Variants in FES observed in about 807,000 individuals in gnomAD.
FES encodes the protein FES proto-oncogene, tyrosine kinase, also known as tyrosine-protein kinase Fes/Fps.
A neutral mutation model predicts 109.6 loss-of-function variants in FES; 83 were observed. The observed-to-expected ratio is 0.76, with a 90% CI of 0.63 to 0.91. FES has a LOEUF of 0.91. Among genes scored for constraint, FES ranks in the 40% least tolerant of loss-of-function variants. The pLI is 0.00. For synonymous variants in FES, 458 were observed against 442.1 expected (o/e 1.04, Z -0.45); for missense variants, 943 against 1,070.9 (o/e 0.88, Z 1.67).
Position 90,890,183 on chromosome 15 carries a change from C to G in FES, c.1141C>G (p.Gln381Glu). Residue 381 changes from glutamine (Q) to glutamate (E), a missense_variant, in exon 9 of 19, where the codon CAG (glutamine) becomes GAG (glutamate). Coordinates refer to ENST00000328850, the MANE Select transcript of FES (RefSeq NM_002005.4). Reference protein sequence around the residue: ...LCSQAKLQAQQELLQTKLEHL... With the variant: ...LCSQAKLQAQEELLQTKLEHL... The stretch of plus-strand genomic sequence containing the variant: ...CAGCCAGGCCAAGCTGCAGGCCCAG[C>G]AGGAGTTGCTGCAGACCAAGCTGGA... 1 of 1,601,850 alleles carries G rather than the reference C, an allele frequency of 6.2e-7. No homozygotes were observed.
Position 90,892,745 on chromosome 15 carries a change from C to A in FES, c.1746C>A (p.Ala582=), listed in dbSNP as rs750146495. 6.2e-7 allele frequency: 1 copy of A among 1,613,146 alleles called. No individual in the cohort carries two copies. The highest frequency in any genetic ancestry group is 8.5e-7 in the Non-Finnish European group (1 of 1,179,820). Residue 582 remains alanine (A), a synonymous_variant, in exon 14 of 19, where the codon GCC becomes GCA. Transcript: ENST00000328850. Reference sequence around the variant, plus strand: ...AAGTGTTCAGCGGACGCCTGCGAGCCGACAACACCCTGGTGGCGGTGAAGT... The same window carrying A: ...AAGTGTTCAGCGGACGCCTGCGAGCAGACAACACCCTGGTGGCGGTGAAGT... ...FGEVFSGRLR[A]DNTLVAVKSC...
At chr15:90,890,024 G>A in intron 8 of FES, 62 bp downstream of exon 8, 1 of 1,587,984 alleles carries the variant, frequency 6.3e-7, no homozygotes, top group Non-Finnish European at 8.6e-7. Context: ...TACCCTAACT[G>A]CTGCTGGCTA....
chr15:90,889,965 G>T lies in FES; in HGVS notation c.1049+3G>T, dbSNP rs2033042865. 3 of 1,612,736 alleles carry T rather than the reference G, an allele frequency of 1.9e-6. No homozygotes were observed. Among genetic ancestry groups the T allele is most frequent in the Admixed American group, 1.7e-5 (1 of 59,982 alleles). ...GAGAACACCCACCCCCGGGAGCGGT[G>T]AGTGGGCCCCTGCCTGCAGCAGCCT... is the stretch of plus-strand genomic sequence containing the variant. On this transcript the variant is annotated splice_donor_region_variant and intron_variant, in intron 8 of 18. Transcript: ENST00000328850. This position sits in a 1 kb window ranked among gnomAD's most constrained non-coding sequence, Gnocchi z 6.1.
intron 12 of FES, 123 bp downstream of exon 12, chr15:90,891,799 A>T: frequency 7.1e-7 from 1 of 1,418,014 alleles, no homozygotes; most frequent in Non-Finnish European, 9.6e-7. Flanking sequence ...CAAGATGCAG[A>T]GTGAGTGACC....
In FES at chr15:90,892,828, G is replaced by A. The variant is rs781251285; in HGVS notation, c.1826+3G>A. The A allele has an allele frequency of 6.2e-7, 1 of 1,612,794 alleles. No individual in the cohort carries two copies. The highest frequency in any genetic ancestry group is 8.5e-7 in the Non-Finnish European group (1 of 1,179,262). On this transcript the variant is annotated splice_donor_region_variant and intron_variant, in intron 14 of 18. Coordinates refer to ENST00000328850, the MANE Select transcript of FES (RefSeq NM_002005.4). The stretch of plus-strand genomic sequence containing the variant: ...GCCAAGTTTCTACAGGAAGCGAGGT[G>A]GGTGATAAACTAATGATCACCACGG...
At chr15:90,893,881 C>T in intron 17 of FES, 55 bp from the exon 18 acceptor site, 1 of 1,610,490 alleles carries the variant, frequency 6.2e-7, no homozygotes, top group Non-Finnish European at 8.5e-7. Context: ...GCTGCCTCGC[C>T]CTGGCCCCAG....
intron 1 of FES, 79 bp from the exon 2 acceptor site, chr15:90,884,958 A>G (rs76642265): frequency 0.1 from 122,803 of 1,201,246 alleles, 7,036 homozygotes; most frequent in Non-Finnish European, 0.11. Context: ...CTGACCCTAC[A>G]GTCCCCAGTC....
At chr15:90,886,245 G>A (rs1053559708) in intron 3 of FES, among the ~76,000 whole-genome samples, 1 of 152,224 alleles carries the variant, frequency 6.6e-6, no homozygotes, top group African/African-American at 2.4e-5. Context: ...TGATTCAAGG[G>A]TGGGCCCATT....
intron 11 of FES, 149 bp downstream of exon 11, chr15:90,891,340 C>T: frequency 9.8e-6 from 11 of 1,117,554 alleles, no homozygotes; most frequent in Non-Finnish European, 1.4e-5. Context: ...ACAGAGACCA[C>T]CCTGTCCCTG....
intron 5 of FES, among the ~76,000 whole-genome samples, chr15:90,887,642 C>T (rs2032785200): frequency 6.6e-6 from 1 of 152,186 alleles, no homozygotes; most frequent in South Asian, 2.1e-4. Context: ...ACAAAAACAT[C>T]TGTCCTCAGG....
In FES at chr15:90,890,969, CT is replaced by C; in HGVS notation, c.1321-12del. The C allele has an allele frequency of 6.4e-7, 1 of 1,569,264 alleles. No individual in the cohort carries two copies. Among genetic ancestry groups the C allele is most frequent in the Admixed American group, 1.8e-5 (1 of 55,144 alleles). On this transcript the variant is annotated splice_polypyrimidine_tract_variant and intron_variant, in intron 10 of 18. Transcript: ENST00000328850. ...GTGGTTAAGTGACTCCTCCTCGATCCTCCCTTGCCCAGCTCCCTCCACCGCT... is the reference window on the plus strand; with the variant it reads ...GTGGTTAAGTGACTCCTCCTCGATCCCCCTTGCCCAGCTCCCTCCACCGCT...
At position 90,889,642 on chromosome 15, in the gene FES, T is replaced by C. The variant is rs761679897; in HGVS notation, c.926+6T>C. On this transcript the variant is annotated splice_donor_region_variant and intron_variant, in intron 7 of 18. Coordinates refer to ENST00000328850, the MANE Select transcript of FES (RefSeq NM_002005.4). The surrounding 1 kb of genome is among the most constrained non-coding windows in gnomAD (Gnocchi z 6.1). ...GTGGAGAGCGTGCAGCACACGTGGG[T>C]GGTGGCTTTGCACCTGGGCTGCGGC... is the stretch of plus-strand genomic sequence containing the variant. 1.2e-5 allele frequency: 19 copies of C among 1,612,636 alleles called. No homozygotes were observed. Among genetic ancestry groups the C allele is most frequent in the Non-Finnish European group, 1.6e-5 (19 of 1,179,962 alleles).
In FES at chr15:90,890,989, C is replaced by T; in HGVS notation, c.1328C>T (p.Pro443Leu). 1.9e-6 allele frequency: 3 copies of T among 1,584,496 alleles called. No individual in the cohort carries two copies. The highest frequency in any genetic ancestry group is 1.8e-5 in the Admixed American group (1 of 56,684). ...GIFRPKFSLP[P>L]PLQLIPEVQK... ...CGATCCTCCCTTGCCCAGCTCCCTC[C>T]ACCGCTGCAGCTCATTCCGGAGGTG... The change falls in exon 11 of 19, where the codon CCA becomes CTA. Residue 443 changes from proline (P) to leucine (L), a missense_variant. Physicochemically the swap from Pro to Leu is moderately conservative, Grantham distance 98. Transcript: ENST00000328850.
In FES at chr15:90,890,864, C is replaced by T. The variant is rs554175551; in HGVS notation, c.1321-118C>T. On this transcript the variant is annotated intron_variant, in intron 10 of 18. Transcript: ENST00000328850. The stretch of plus-strand genomic sequence containing the variant: ...AGGGGCCTGTGGATGGCTCTGCATG[C>T]CACTCCATGGTTGTAAGGGCTGAGG... The T allele has an allele frequency of 5.0e-4, 513 of 1,033,890 alleles. 4 individuals carry two copies. In the East Asian group the frequency reaches 0.011, roughly 23 times the overall value. 64.0% of individuals were successfully genotyped at this position (1,033,890 alleles called of 1,614,324 possible).
At position 90,885,301 on chromosome 15, in the gene FES, C is replaced by T. The variant is rs780526955; in HGVS notation, c.213+43C>T. 21 of 1,602,230 alleles carry T rather than the reference C, an allele frequency of 1.3e-5. No individual in the cohort carries two copies. The African/African-American group carries it at 2.7e-4, about 20-fold the overall frequency. ...TCTGGTGGGTGCTGGCTGTATCTGC[C>T]TTCTCCTTCCTCTCCTGGGGGCCCT... On this transcript the variant is annotated intron_variant, in intron 2 of 18. Transcript: ENST00000328850.
intron 13 of FES, 136 bp downstream of exon 13, chr15:90,892,247 CA>C: frequency 1.1e-6 from 1 of 883,634 alleles, no homozygotes; most frequent in Non-Finnish European, 1.8e-6. Flanking sequence ...GCCCAGCCCC[CA>C]CCACACACCA....
At chr15:90,885,378 C>G in intron 2 of FES, 34 bp from the exon 3 acceptor site, 3 of 1,598,608 alleles carry the variant, frequency 1.9e-6, no homozygotes, top group Non-Finnish European at 2.6e-6. Context: ...GCCATTGTGC[C>G]CCCCTCCCTG....
At position 90,895,479 on chromosome 15, in the gene FES, G is replaced by A; in HGVS notation, c.2390G>A (p.Trp797Ter). The A allele has an allele frequency of 6.3e-7, 1 of 1,598,752 alleles. No individual in the cohort carries two copies. Among genetic ancestry groups the A allele is most frequent in the Non-Finnish European group, 8.5e-7 (1 of 1,171,942 alleles). Residue 797 changes from tryptophan to a stop codon, truncating the protein, a stop_gained, in exon 19 of 19, where the codon TGG (tryptophan) becomes TAG (stop). Coordinates refer to ENST00000328850, the MANE Select transcript of FES (RefSeq NM_002005.4). LOFTEE classifies it high-confidence loss of function. ...GTGTTCAGGCTCATGGAGCAGTGCTGGGCCTATGAGCCTGGGCAGCGGCCC... is the reference window on the plus strand; with the variant it reads ...GTGTTCAGGCTCATGGAGCAGTGCTAGGCCTATGAGCCTGGGCAGCGGCCC... ...DAVFRLMEQCWAYEPGQRPSF... is the reference protein window; with the variant it reads ...DAVFRLMEQC
At position 90,887,177 on chromosome 15, in the gene FES, C is replaced by G; in HGVS notation, c.485-10C>G. 6.2e-7 allele frequency: 1 copy of G among 1,612,464 alleles called. No individual in the cohort carries two copies. Among genetic ancestry groups the G allele is most frequent in the Non-Finnish European group, 8.5e-7 (1 of 1,178,890 alleles). On this transcript the variant is annotated splice_polypyrimidine_tract_variant and intron_variant, in intron 4 of 18. Coordinates refer to ENST00000328850, the MANE Select transcript of FES (RefSeq NM_002005.4). Reference sequence around the variant, plus strand: ...GCTGTCATCTATACCCCTTGCCCCCCTTCTGGCAGACAAGGACCGTGACAA... The same window carrying G: ...GCTGTCATCTATACCCCTTGCCCCCGTTCTGGCAGACAAGGACCGTGACAA...
Sources: gnomAD v4.1 joint callset for allele counts (sites outside exome capture counted in the v4.1 genomes callset) on GRCh38, gnomAD v4.1.1 for gene constraint, Gnocchi (gnomAD v3.1) non-coding constraint, MANE v1.5 for transcripts, NCBI Gene and HGNC (gene_info 2026-07-23, HGNC 2026-07-21) for gene names.